Variants in PPP6R2 observed in about 807,000 individuals in gnomAD.
PPP6R2 encodes serine/threonine-protein phosphatase 6 regulatory subunit 2.
PPP6R2 carries 62 observed loss-of-function variants against 100.2 expected under a neutral mutation model. That is an observed-to-expected ratio of 0.62 (90% confidence interval 0.50 to 0.76). The LOEUF (loss-of-function observed/expected upper bound fraction) is 0.76. PPP6R2 is among the 30% of genes least tolerant of loss of function. The probability of loss-of-function intolerance (pLI) is 0.00; values close to 1 mark genes in which losing one functional copy is unlikely to be tolerated. For missense variants in PPP6R2, 1,142 were observed against 1,276.3 expected, an observed-to-expected ratio of 0.89 and a Z score of 1.60; for synonymous variants, 525 against 514.7, an observed-to-expected ratio of 1.02 and a Z score of -0.27.
upstream of PPP6R2, among the ~76,000 whole-genome samples, chr22:50,338,678 GTA>G (rs1340957227): frequency 5.7e-5 from 8 of 140,108 alleles, no homozygotes; most frequent in South Asian, 1.2e-3. Context: ...TGGTGTGTGT[GTA>G]GTATGTGGTG....
intron 4 of PPP6R2, among the ~76,000 whole-genome samples, chr22:50,409,210 G>T (rs191708021): frequency 1.2e-3 from 183 of 152,260 alleles, no homozygotes; most frequent in African/African-American, 4.3e-3. Context: ...TAGCCTAAAG[G>T]TGGGGCTTCA....
intron 1 of PPP6R2, among the ~76,000 whole-genome samples, chr22:50,351,043 T>TG (rs2045058473): frequency 1.6e-5 from 2 of 126,028 alleles, no homozygotes; most frequent in African/African-American, 5.8e-5. Flanking sequence ...TTTTTTTTTT[T>TG]TTTTTTTTTT....
intron 5 of PPP6R2, 45 bp downstream of exon 5, chr22:50,414,734 C>T (rs1358333773): frequency 6.3e-7 from 1 of 1,589,064 alleles, no homozygotes; most frequent in Non-Finnish European, 8.6e-7. Context: ...AGGGGTGCTG[C>T]AGGAAGCCAG....
intron 6 of PPP6R2, among the ~76,000 whole-genome samples, chr22:50,417,913 G>C (rs535323142): frequency 5.9e-5 from 9 of 152,186 alleles, no homozygotes; most frequent in Non-Finnish European, 1.3e-4. Context: ...ATGCTGCAGG[G>C]AGTCAGGGGT....
Position 50,422,732 on chromosome 22 carries a change from AG to A in PPP6R2, c.972+358del, listed in dbSNP as rs547542531. Among the ~76,000 whole-genome samples the A allele has an allele frequency of 3.3e-5, 5 of 152,174 alleles. No homozygotes were observed. In the South Asian group the frequency reaches 6.2e-4, roughly 19 times the overall value. On this transcript the variant is annotated intron_variant, in intron 9 of 23. Coordinates refer to ENST00000612753, the MANE Select transcript of PPP6R2 (RefSeq NM_001242898.2). ...CTTTGCCCTGCTCAGCAGCATGTTGAGGGGGGTGAGGCACACAAAGGCTCCT... is the reference window on the plus strand; with the variant it reads ...CTTTGCCCTGCTCAGCAGCATGTTGAGGGGGTGAGGCACACAAAGGCTCCT...
chr22:50,356,717 A>T (rs143922184), intron 1 of PPP6R2, among the ~76,000 whole-genome samples: 2,369 of 152,072 alleles, frequency 0.016, 28 homozygotes, highest in South Asian at 0.037. Flanking sequence ...CGGGTGGATC[A>T]CAAGGTCGGG....
chr22:50,339,724 GTGT>G (rs1395413115), upstream of PPP6R2, among the ~76,000 whole-genome samples: 1 of 140,152 alleles, frequency 7.1e-6, no homozygotes, highest in Non-Finnish European at 1.5e-5. Flanking sequence ...TGTAGGGTGT[GTGT>G]TGTGTGTGTG....
At chr22:50,357,545 G>A (rs2046871476) in intron 1 of PPP6R2, among the ~76,000 whole-genome samples, 1 of 151,542 alleles carries the variant, frequency 6.6e-6, no homozygotes, top group African/African-American at 2.4e-5. Flanking sequence ...CCAGGCTGGA[G>A]TACAGTAAAT....
intron 1 of PPP6R2, among the ~76,000 whole-genome samples, chr22:50,368,096 C>G (rs1366674161): frequency 6.6e-6 from 1 of 152,244 alleles, no homozygotes; most frequent in Non-Finnish European, 1.5e-5. Flanking sequence ...TTAGTACTTT[C>G]ACTAATTCTG....
chr22:50,410,630 G>T (rs1167499855), intron 4 of PPP6R2, among the ~76,000 whole-genome samples: 1 of 150,214 alleles, frequency 6.7e-6, no homozygotes, highest in Admixed American at 6.7e-5. Flanking sequence ...GATAGAGTGA[G>T]ATTCTGTCTC....
intron 3 of PPP6R2, among the ~76,000 whole-genome samples, chr22:50,396,950 C>T (rs775804661): frequency 2.0e-5 from 3 of 152,160 alleles, no homozygotes; most frequent in Non-Finnish European, 4.4e-5. Flanking sequence ...CCCCATCCCT[C>T]CCACTTTCAA....
At position 50,443,591 on chromosome 22, in the gene PPP6R2, G is replaced by T. The variant is rs796265580; in HGVS notation, c.2580-275G>T. On this transcript the variant is annotated intron_variant, in intron 22 of 23. Coordinates refer to ENST00000612753, the MANE Select transcript of PPP6R2 (RefSeq NM_001242898.2). ...GGAGGCTCTGGGGTCCTTGAAGAAT[G>T]AGGCGCTTGATGATGAGCAGGATCT... 12 of 519,352 alleles carry T rather than the reference G, an allele frequency of 2.3e-5. No homozygotes were observed. The East Asian group carries it at 3.0e-4, about 13-fold the overall frequency. 32.2% of individuals were successfully genotyped at this position (519,352 alleles called of 1,614,324 possible).
At chr22:50,373,876 G>C (rs2050854557) in intron 2 of PPP6R2, among the ~76,000 whole-genome samples, 1 of 152,114 alleles carries the variant, frequency 6.6e-6, no homozygotes, top group African/African-American at 2.4e-5. Flanking sequence ...TGGGATTACA[G>C]GCACCAGCCA....
intron 18 of PPP6R2, 59 bp downstream of exon 18, chr22:50,438,357 C>G: frequency 6.4e-7 from 1 of 1,570,894 alleles, no homozygotes; most frequent in Non-Finnish European, 8.6e-7. Flanking sequence ...CCCCAGAACA[C>G]CTGTCAGACG....
chr22:50,403,160 T>G (rs1244101256), intron 3 of PPP6R2, among the ~76,000 whole-genome samples: 1 of 151,930 alleles, frequency 6.6e-6, no homozygotes, highest in Non-Finnish European at 1.5e-5. Context: ...TGAGCTGAGA[T>G]AGCACCACTG....
rs539572211 is a variant in PPP6R2 at position 50,391,015 on chromosome 22, AAAG to A, written c.-16-2875_-16-2873del. Among the ~76,000 whole-genome samples the A allele has an allele frequency of 7.7e-4, 116 of 151,352 alleles. 1 individual carries two copies. The highest frequency in any genetic ancestry group is 2.7e-3 in the African/African-American group (112 of 41,228). On this transcript the variant is annotated intron_variant, in intron 2 of 23. Coordinates refer to ENST00000612753, the MANE Select transcript of PPP6R2 (RefSeq NM_001242898.2). ...CTCCGTCTCAAAAAAAAAAAAAAGA[AAAG>A]AAATTCAGGCCGGATGCAGTGGCTC...
chr22:50,391,239 CTGACCAGTA>C (rs2055454986), intron 2 of PPP6R2, among the ~76,000 whole-genome samples: 1 of 151,708 alleles, frequency 6.6e-6, no homozygotes, highest in Non-Finnish European at 1.5e-5. Flanking sequence ...CGAGACCAGC[CTGACCAGTA>C]TGGTGAAACC....
intron 2 of PPP6R2, among the ~76,000 whole-genome samples, chr22:50,385,814 CTTTTTTTTTTTT>C (rs1192671164): frequency 2.7e-5 from 2 of 75,394 alleles, no homozygotes; most frequent in East Asian, 5.5e-4. Flanking sequence ...CCGCGCCCAG[CTTTTTTTTTTTT>C]TTTTTTTTTT....
At chr22:50,393,824 T>C (rs1227924276) in intron 2 of PPP6R2, 69 bp from the exon 3 acceptor site, 1 of 1,590,178 alleles carries the variant, frequency 6.3e-7, no homozygotes, top group East Asian at 2.2e-5. Flanking sequence ...CCCTTTGGAC[T>C]TGGGTCTAGT....
Sources: gnomAD v4.1 joint callset for allele counts (sites outside exome capture counted in the v4.1 genomes callset) on GRCh38, gnomAD v4.1.1 for gene constraint, MANE v1.5 for transcripts, NCBI Gene and HGNC (gene_info 2026-07-23, HGNC 2026-07-21) for gene names.